The following GRID1 variants were observed in gnomAD, a reference collection of about 807,000 sequenced individuals.
The protein encoded by GRID1 is glutamate receptor ionotropic, delta-1.
In GRID1, 28 loss-of-function variants were observed where a neutral mutation model predicts 98.0. That is an observed-to-expected ratio of 0.29 (90% CI 0.21 to 0.39). The LOEUF (loss-of-function observed/expected upper bound fraction) is 0.39. Among genes scored for constraint, GRID1 ranks in the 10% least tolerant of loss-of-function variants. GRID1 has a pLI of 1.00. For synonymous variants in GRID1, 553 were observed against 538.5 expected, an observed-to-expected ratio of 1.03 and a Z score of -0.37; for missense variants, 1,111 against 1,340.5, an observed-to-expected ratio of 0.83 and a Z score of 2.67.
intron 12 of GRID1, among the ~76,000 whole-genome samples, chr10:85,688,245 T>A (rs760514316): frequency 1.3e-5 from 2 of 152,230 alleles, no homozygotes; most frequent in Non-Finnish European, 2.9e-5. Context: ...CATCATTGCC[T>A]TTGGTGTCTA....
At chr10:86,055,165 C>A (rs1037350588) in intron 4 of GRID1, among the ~76,000 whole-genome samples, 1 of 152,192 alleles carries the variant, frequency 6.6e-6, no homozygotes, top group Non-Finnish European at 1.5e-5. Flanking sequence ...ACCCAGCTGA[C>A]GTGTAGTATC....
chr10:85,968,450 CAAAAAAA>C (rs56938729), intron 4 of GRID1, among the ~76,000 whole-genome samples: 18,414 of 102,428 alleles, frequency 0.18, 1,306 homozygotes, highest in Admixed American at 0.3. Context: ...GACTCTGTCT[CAAAAAAA>C]AAAAAAAAAA....
At chr10:86,018,587 G>T (rs1046554486) in intron 4 of GRID1, among the ~76,000 whole-genome samples, 2 of 152,222 alleles carry the variant, frequency 1.3e-5, no homozygotes, top group African/African-American at 4.8e-5. Flanking sequence ...ACATGCACGT[G>T]ACTGCAGGTG....
At chr10:86,149,077 C>T (rs1845125942) in intron 3 of GRID1, among the ~76,000 whole-genome samples, 1 of 152,218 alleles carries the variant, frequency 6.6e-6, no homozygotes, top group Admixed American at 6.5e-5. Flanking sequence ...AAAGGGCTCT[C>T]AAATGAGCAA....
At chr10:85,842,628 A>G (rs1378602673) in intron 8 of GRID1, among the ~76,000 whole-genome samples, 2 of 152,040 alleles carry the variant, frequency 1.3e-5, no homozygotes, top group Non-Finnish European at 2.9e-5. Flanking sequence ...ACAACATTAC[A>G]CTCATAAATT....
chr10:85,998,306 T>G (rs1383641929), intron 4 of GRID1, among the ~76,000 whole-genome samples: 2 of 152,098 alleles, frequency 1.3e-5, no homozygotes, highest in Non-Finnish European at 2.9e-5. Flanking sequence ...TTTCTGACAA[T>G]AATGGAATTA....
At chr10:86,229,383 G>A (rs1846412305) in intron 2 of GRID1, among the ~76,000 whole-genome samples, 1 of 152,142 alleles carries the variant, frequency 6.6e-6, no homozygotes, top group South Asian at 2.1e-4. Flanking sequence ...GGCTGCCAAG[G>A]TTAAAGCCAC....
intron 8 of GRID1, among the ~76,000 whole-genome samples, chr10:85,852,503 C>G (rs999016857): frequency 1.3e-5 from 2 of 152,162 alleles, no homozygotes; most frequent in African/African-American, 4.8e-5. Flanking sequence ...AGGCAGGGAC[C>G]TCCACAGCCA....
intron 12 of GRID1, among the ~76,000 whole-genome samples, chr10:85,698,680 C>T (rs1399928921): frequency 6.6e-6 from 1 of 152,104 alleles, no homozygotes; most frequent in Admixed American, 6.6e-5. Flanking sequence ...GGGCTAAATA[C>T]CAGAAGAGTA....
intron 12 of GRID1, among the ~76,000 whole-genome samples, chr10:85,648,851 CCGGGA>C (rs1269866305): frequency 6.6e-6 from 1 of 152,196 alleles, no homozygotes; most frequent in Admixed American, 6.5e-5. Flanking sequence ...CATGAGCTCA[CCGGGA>C]CTTCAGAGGG....
At chr10:86,271,703 A>C (rs1292640116) in intron 2 of GRID1, among the ~76,000 whole-genome samples, 1 of 152,244 alleles carries the variant, frequency 6.6e-6, no homozygotes, top group African/African-American at 2.4e-5. Context: ...ACATGGAAAA[A>C]GAAACTATCC....
intron 4 of GRID1, among the ~76,000 whole-genome samples, chr10:85,994,851 G>T (rs369090226): frequency 3.9e-5 from 6 of 152,284 alleles, no homozygotes; most frequent in African/African-American, 1.2e-4. Flanking sequence ...GCAATCAAAA[G>T]CACCTAATAT....
At position 85,868,917 on chromosome 10, in the gene GRID1, T is replaced by C. The variant is rs1433871684; in HGVS notation, c.951+93A>G. On this transcript the variant is annotated intron_variant, in intron 6 of 15. Coordinates refer to ENST00000327946, the MANE Select transcript of GRID1 (RefSeq NM_017551.3). ...ACAGAGCTCTAGTAATTGAAGTTGGTGGCAATAGGAGGCCCCCACATGTCT... is the reference window on the plus strand; with the variant it reads ...ACAGAGCTCTAGTAATTGAAGTTGGCGGCAATAGGAGGCCCCCACATGTCT... The C allele has an allele frequency of 3.0e-6, 3 of 990,738 alleles. No homozygotes were observed. In the African/African-American group the frequency reaches 4.8e-5, roughly 16 times the overall value. The allele number at this position is 990,738 out of a possible 1,614,324, so 61.4% of individuals were successfully genotyped here.
At chr10:85,622,011 T>C (rs753539892) in intron 13 of GRID1, among the ~76,000 whole-genome samples, 25 of 152,066 alleles carry the variant, frequency 1.6e-4, no homozygotes, top group Non-Finnish European at 3.2e-4. Context: ...AAGATAAAGG[T>C]TTGTTTCTAC....
At chr10:86,262,785 G>C (rs1346766837) in intron 2 of GRID1, among the ~76,000 whole-genome samples, 2 of 152,138 alleles carry the variant, frequency 1.3e-5, no homozygotes, top group African/African-American at 4.8e-5. Flanking sequence ...TTCCAACCCC[G>C]ATTCTGCCAG....
At chr10:85,903,271 C>T (rs577705652) in intron 5 of GRID1, among the ~76,000 whole-genome samples, 2 of 152,274 alleles carry the variant, frequency 1.3e-5, no homozygotes, top group African/African-American at 4.8e-5. Context: ...CAAGAAATGT[C>T]TTCTCTTTTC....
At chr10:85,749,598 T>C (rs1406575885) in intron 8 of GRID1, among the ~76,000 whole-genome samples, 1 of 152,118 alleles carries the variant, frequency 6.6e-6, no homozygotes, top group African/African-American at 2.4e-5. Context: ...TAAAATAAGA[T>C]CCAAATTCCC....
chr10:85,857,764 T>C (rs1257567702), intron 6 of GRID1, among the ~76,000 whole-genome samples: 1 of 152,154 alleles, frequency 6.6e-6, no homozygotes, highest in Admixed American at 6.5e-5. Flanking sequence ...ACAGGACTCC[T>C]GGGAAGATCA....
intron 4 of GRID1, among the ~76,000 whole-genome samples, chr10:86,081,155 T>C (rs1308199875): frequency 6.6e-6 from 1 of 152,178 alleles, no homozygotes; most frequent in Non-Finnish European, 1.5e-5. Context: ...TATTTTGTGA[T>C]GGTCTCATTC....
Sources: allele counts gnomAD v4.1 joint callset (sites outside exome capture counted in the v4.1 genomes callset), GRCh38; gene constraint gnomAD v4.1.1; transcripts MANE v1.5; gene names NCBI Gene and HGNC (gene_info 2026-07-23, HGNC 2026-07-21).